Variants in COL22A1 observed in about 807,000 individuals in gnomAD.
The protein encoded by COL22A1 is collagen type XXII alpha 1 chain.
Under a neutral mutation model 248.9 loss-of-function variants are expected in COL22A1, and 221 were observed. The ratio of observed to expected loss-of-function variants is 0.89; its 90% CI spans 0.80 to 0.99. COL22A1 has a LOEUF of 0.99. COL22A1 is among the 50% of genes least tolerant of loss of function. The pLI is 0.00. For synonymous variants in COL22A1, 891 were observed against 793.4 expected (o/e 1.12, Z -2.07); for missense variants, 2,240 against 2,179.0 (o/e 1.03, Z -0.56).
At chr8:138,614,314 C>T (rs1386487523) in intron 55 of COL22A1, among the ~76,000 whole-genome samples, 1 of 152,154 alleles carries the variant, frequency 6.6e-6, no homozygotes, top group African/African-American at 2.4e-5. Context: ...AAACCCATGC[C>T]ACCCAGGTGC....
At chr8:138,621,932 C>T (rs78528917) in intron 52 of COL22A1, among the ~76,000 whole-genome samples, 3,429 of 152,290 alleles carry the variant, frequency 0.023, 129 homozygotes, top group African/African-American at 0.078. Flanking sequence ...CTCGTTGAGA[C>T]TTTTCAATTT....
chr8:138,868,155 C>T lies in COL22A1; in HGVS notation c.658+9595G>A, dbSNP rs117627824. ...CTGGATTTCACTGATGCTTTTAGAC[C>T]TGAGTCCACCCACCAAAGATGATGT... is the stretch of plus-strand genomic sequence containing the variant. On this transcript the variant is annotated intron_variant, in intron 3 of 64. Transcript: ENST00000303045. Among the ~76,000 whole-genome samples, 28 of 152,268 alleles carry T rather than the reference C, an allele frequency of 1.8e-4. No homozygotes were observed. The East Asian group carries it at 5.4e-3, about 29-fold the overall frequency.
intron 1 of COL22A1, among the ~76,000 whole-genome samples, chr8:138,888,241 G>A (rs1586971194): frequency 6.6e-6 from 1 of 152,158 alleles, no homozygotes; most frequent in Admixed American, 6.5e-5. Context: ...CACACACCAG[G>A]GGGAGGGAGG....
chr8:138,870,953 G>T (rs549288433), intron 3 of COL22A1, among the ~76,000 whole-genome samples: 1 of 151,992 alleles, frequency 6.6e-6, no homozygotes, highest in South Asian at 2.1e-4. Flanking sequence ...GTGTAGGTGG[G>T]GTGTGTGCAC....
At position 138,722,858 on chromosome 8, in the gene COL22A1, G is replaced by GGC. The variant is rs1554601743; in HGVS notation, c.2248-770_2248-769insGC. ...ATCGGGTCACATGGGGGCGGGGGGG[G>GGC]GGTGGTGGAAAACACACCCTGGGGC... On this transcript the variant is annotated intron_variant, in intron 25 of 64. Transcript: ENST00000303045. 1.1e-4 allele frequency among the ~76,000 whole-genome samples: 12 copies of GGC among 108,752 alleles called. 1 individual carries two copies. The highest frequency in any genetic ancestry group is 9.9e-5 in the Non-Finnish European group (5 of 50,348). The allele number at this position is 108,752 out of a possible 152,430, so 71.3% of individuals were successfully genotyped here. A position where few individuals can be genotyped will look rare whatever the true frequency, so the allele number is the denominator to read the frequency against.
In COL22A1 at chr8:138,910,212, G is replaced by T. The variant is rs995405450; in HGVS notation, c.-73+3407C>A. On this transcript the variant is annotated intron_variant, in intron 1 of 64. Transcript: ENST00000303045. Reference sequence around the variant, plus strand: ...CACTCATTGATTCAACAAACCTCATGCTGGCCTCAGGCAAAGTGCAAAGAG... The same window carrying T: ...CACTCATTGATTCAACAAACCTCATTCTGGCCTCAGGCAAAGTGCAAAGAG... Among the ~76,000 whole-genome samples the T allele has an allele frequency of 5.9e-4, 90 of 152,190 alleles. 5 individuals are homozygous for T. Among genetic ancestry groups the T allele is most frequent in the Non-Finnish European group, 4.4e-5 (3 of 68,032 alleles).
At chr8:138,653,622 T>C (rs908052444) in intron 45 of COL22A1, among the ~76,000 whole-genome samples, 1 of 152,156 alleles carries the variant, frequency 6.6e-6, no homozygotes, top group African/African-American at 2.4e-5. Context: ...GATCCAACTA[T>C]GGACATTCAT....
chr8:138,828,674 C>T (rs1819787727), intron 5 of COL22A1, among the ~76,000 whole-genome samples: 1 of 151,868 alleles, frequency 6.6e-6, no homozygotes, highest in East Asian at 1.9e-4. Flanking sequence ...GGCGTGAACC[C>T]GGGAGGCAGA....
intron 5 of COL22A1, among the ~76,000 whole-genome samples, chr8:138,832,341 C>T (rs867666050): frequency 2.0e-5 from 3 of 152,048 alleles, no homozygotes; most frequent in South Asian, 2.1e-4. Context: ...CTTTCTTGCA[C>T]GAGATCCAAG....
chr8:138,761,056 T>C lies in COL22A1; in HGVS notation c.1858-769A>G, dbSNP rs185920270. Among the ~76,000 whole-genome samples the C allele has an allele frequency of 7.9e-5, 12 of 152,284 alleles. No individual in the cohort carries two copies. In the South Asian group the frequency reaches 2.5e-3, roughly 32 times the overall value. On this transcript the variant is annotated intron_variant, in intron 17 of 64. Coordinates refer to ENST00000303045, the MANE Select transcript of COL22A1 (RefSeq NM_152888.3). ...ACATAGACATGCGTTCAAGGATGCA[T>C]GCAAAGCACCCTCACTTCCTCTGTA... is the stretch of plus-strand genomic sequence containing the variant.
chr8:138,803,926 G>T (rs940100111), intron 10 of COL22A1, among the ~76,000 whole-genome samples: 2 of 152,108 alleles, frequency 1.3e-5, no homozygotes, highest in African/African-American at 4.8e-5. Context: ...TGCCTCCTTT[G>T]TCCTGAGCAG....
chr8:138,856,881 G>T (rs528580370), intron 3 of COL22A1, among the ~76,000 whole-genome samples: 3 of 152,250 alleles, frequency 2.0e-5, no homozygotes, highest in East Asian at 1.9e-4. Context: ...GGATAGGCCT[G>T]CCCTGGGCTC....
chr8:138,656,035 T>C (rs1823227001), intron 44 of COL22A1, 91 bp from the exon 45 acceptor site: 1 of 1,053,012 alleles, frequency 9.5e-7, no homozygotes, highest in Middle Eastern at 2.0e-4. Flanking sequence ...CTTTAAAGTG[T>C]GACACAATAC....
intron 32 of COL22A1, among the ~76,000 whole-genome samples, chr8:138,698,819 C>T (rs183773696): frequency 6.0e-4 from 88 of 147,880 alleles, no homozygotes; most frequent in African/African-American, 2.0e-3. Flanking sequence ...AGTGAGTACC[C>T]GCCCTGCGGG....
At chr8:138,698,868 C>G (rs1408428999) in intron 32 of COL22A1, among the ~76,000 whole-genome samples, 1 of 152,266 alleles carries the variant, frequency 6.6e-6, no homozygotes, top group East Asian at 1.9e-4. Context: ...GAGTGCCTGT[C>G]TCTGCCAGAG....
chr8:138,794,119 G>T (rs1253754888), intron 12 of COL22A1, among the ~76,000 whole-genome samples: 2 of 152,198 alleles, frequency 1.3e-5, no homozygotes, highest in Non-Finnish European at 2.9e-5. Context: ...GGGCACGGTG[G>T]CTCACGCCTG....
intron 52 of COL22A1, among the ~76,000 whole-genome samples, chr8:138,622,488 T>C (rs772385970): frequency 2.0e-5 from 3 of 152,220 alleles, no homozygotes; most frequent in Non-Finnish European, 4.4e-5. Context: ...TTTAATTTTA[T>C]CAGTAAGTAA....
At chr8:138,811,685 A>AG in intron 9 of COL22A1, 114 bp downstream of exon 9, 1 of 1,240,274 alleles carries the variant, frequency 8.1e-7, no homozygotes. Context: ...CTGTCAGCTG[A>AG]CAGCCATGGG....
At chr8:138,860,853 C>G (rs1038245557) in intron 3 of COL22A1, among the ~76,000 whole-genome samples, 4 of 152,210 alleles carry the variant, frequency 2.6e-5, no homozygotes, top group Admixed American at 2.6e-4. Context: ...CACTGTACCT[C>G]TCTCCCTCTA....
Sources: gnomAD v4.1 joint callset for allele counts (sites outside exome capture counted in the v4.1 genomes callset) on GRCh38, gnomAD v4.1.1 for gene constraint, MANE v1.5 for transcripts, NCBI Gene and HGNC (gene_info 2026-07-23, HGNC 2026-07-21) for gene names.